YBEY: variants seen among roughly 807,000 people sequenced by gnomAD.
YBEY encodes endoribonuclease YbeY.
Under a neutral mutation model 13.5 loss-of-function variants are expected in YBEY, and 15 were observed. The observed-to-expected ratio is 1.11, with a 90% confidence interval of 0.75 to 1.72. YBEY has a LOEUF of 1.72. YBEY is among the 40% of genes most tolerant of loss of function. The probability of loss-of-function intolerance (pLI) is 0.00; values close to 1 mark genes in which losing one functional copy is unlikely to be tolerated. For synonymous variants in YBEY, 101 were observed against 83.1 expected (o/e 1.21, Z -1.17); for missense variants, 244 against 208.4 (o/e 1.17, Z -1.05).
At chr21:46,301,109 A>T, downstream of YBEY, 1 of 1,005,954 alleles carries the variant, frequency 9.9e-7, no homozygotes, top group Non-Finnish European at 1.2e-6. Flanking sequence ...TTAACTCAAA[A>T]GGGATCACGT....
At chr21:46,296,083 C>T in intron 3 of YBEY, 79 bp from the exon 4 acceptor site, 1 of 1,512,360 alleles carries the variant, frequency 6.6e-7, no homozygotes, top group Non-Finnish European at 9.2e-7. Flanking sequence ...CCAAGAGCAG[C>T]CTGTGGCCCT....
At chr21:46,287,235 A>T in intron 2 of YBEY, 112 bp downstream of exon 2, 1 of 1,108,868 alleles carries the variant, frequency 9.0e-7, no homozygotes. Flanking sequence ...TTGCTCTGTC[A>T]CCCAGGCTGG....
At chr21:46,309,303 AC>A in the YBEY span, among the ~76,000 whole-genome samples, 1 of 151,802 alleles carries the variant, frequency 6.6e-6, no homozygotes, top group African/African-American at 2.4e-5. Flanking sequence ...TCTACTAAAA[AC>A]CACAAAAATT....
chr21:46,295,478 T>G (rs2081920410), intron 3 of YBEY, among the ~76,000 whole-genome samples: 1 of 151,760 alleles, frequency 6.6e-6, no homozygotes, highest in Non-Finnish European at 1.5e-5. Flanking sequence ...CCACAGGCCC[T>G]CCCTCCTCTT....
the YBEY span, among the ~76,000 whole-genome samples, chr21:46,307,082 C>T: frequency 6.6e-6 from 1 of 150,482 alleles, no homozygotes; most frequent in Non-Finnish European, 1.5e-5. Flanking sequence ...TTTTAGTAGA[C>T]ACGGGATTTC....
rs145146592 is a variant in YBEY, at chr21:46,290,538, G to A, written c.211-796G>A. 1.8e-3 allele frequency among the ~76,000 whole-genome samples: 277 copies of A among 152,084 alleles called. 3 individuals carry two copies. The highest frequency in any genetic ancestry group is 7.7e-3 in the South Asian group (37 of 4,812). On this transcript the variant is annotated intron_variant, in intron 2 of 4. Coordinates refer to ENST00000397701, the MANE Select transcript of YBEY (RefSeq NM_001314025.2). ...ATTTTCACAATGGAAACAATTTAGG[G>A]CACTTGTGTACGGTTGGCTGGGCAA...
chr21:46,296,141 G>T (rs376873198), intron 3 of YBEY, 21 bp from the exon 4 acceptor site: 4 of 1,613,444 alleles, frequency 2.5e-6, no homozygotes, highest in Non-Finnish European at 3.4e-6. Context: ...CCTCTGAGCC[G>T]GTTTAAAATT....
chr21:46,286,885 T>C lies in YBEY; in HGVS notation c.-29T>C. 1 of 1,612,338 alleles carries C rather than the reference T, an allele frequency of 6.2e-7. No homozygotes were observed. Among genetic ancestry groups the C allele is most frequent in the Non-Finnish European group, 8.5e-7 (1 of 1,178,836 alleles). On this transcript the variant is annotated 5_prime_UTR_variant, in exon 2 of 5. Coordinates refer to ENST00000397701, the MANE Select transcript of YBEY (RefSeq NM_001314025.2). ...TTAACCCCAGGTTCCGTTGCAAACA[T>C]TTTTAAAGGGCTGGTTATTCTTCCT...
the YBEY span, among the ~76,000 whole-genome samples, chr21:46,310,048 A>G: frequency 6.6e-6 from 1 of 152,162 alleles, no homozygotes; most frequent in African/African-American, 2.4e-5. Context: ...ACTACTACAT[A>G]GTGACGGAAA....
At chr21:46,292,659 C>T (rs2081773828) in intron 3 of YBEY, among the ~76,000 whole-genome samples, 1 of 73,258 alleles carries the variant, frequency 1.4e-5, no homozygotes, top group South Asian at 6.6e-4. Context: ...AAATTCCTCC[C>T]GCGGTTAGCC....
downstream of YBEY, among the ~76,000 whole-genome samples, chr21:46,298,433 G>GTTTTTTTTTTTTT (rs1569107101): frequency 1.5e-5 from 1 of 67,236 alleles, no homozygotes; most frequent in African/African-American, 4.7e-5. Context: ...TTTAATCCAA[G>GTTTTTTTTTTTTT]CTTTTTTTTT....
downstream of YBEY, chr21:46,302,552 T>TGCA (rs753899952): frequency 1.4e-4 from 226 of 1,612,404 alleles, 2 homozygotes; most frequent in Middle Eastern, 1.5e-3. Flanking sequence ...CTGTGCGTTC[T>TGCA]GCAGCAGCAG....
At chr21:46,298,793 C>T (rs1213550406), downstream of YBEY, among the ~76,000 whole-genome samples, 2 of 151,706 alleles carry the variant, frequency 1.3e-5, no homozygotes, top group Non-Finnish European at 2.9e-5. Context: ...GGTGCAGTCT[C>T]GGCTCACTGT....
At chr21:46,291,562 C>T in intron 3 of YBEY, 100 bp downstream of exon 3, 1 of 1,547,542 alleles carries the variant, frequency 6.5e-7, no homozygotes, top group Non-Finnish European at 8.7e-7. Context: ...TCCGTGGGTA[C>T]CGTAAGGGCT....
chr21:46,299,453 G>A (rs1232581799), downstream of YBEY, among the ~76,000 whole-genome samples: 3 of 152,110 alleles, frequency 2.0e-5, no homozygotes, highest in African/African-American at 7.2e-5. Context: ...CAGCCATACT[G>A]CCCTGATTCT....
At chr21:46,302,435 A>C (rs954346572), downstream of YBEY, 31 of 1,420,614 alleles carry the variant, frequency 2.2e-5, no homozygotes, top group Non-Finnish European at 2.9e-5. Context: ...AAGAAAAACC[A>C]CCCAGGCCCT....
chr21:46,311,490 G>T, the YBEY span: 5 of 1,610,730 alleles, frequency 3.1e-6, no homozygotes, highest in African/African-American at 1.3e-5. Context: ...GAGTAGGGAA[G>T]GCCTGGGGAG....
chr21:46,297,741 T>C lies in YBEY; in HGVS notation c.*107T>C, dbSNP rs2082000809. The C allele has an allele frequency of 8.0e-7, 1 of 1,248,638 alleles. No homozygotes were observed. Among genetic ancestry groups the C allele is most frequent in the Non-Finnish European group, 1.0e-6 (1 of 990,128 alleles). The allele number at this position is 1,248,638 out of a possible 1,614,324, so 77.3% of individuals were successfully genotyped here. A position where few individuals can be genotyped will look rare whatever the true frequency, so the allele number is the denominator to read the frequency against. ...TGAACGTACGAGGGGAACCTCCTCTTATTTCCTTCACGTTGCATCGGGTAT... is the reference window on the plus strand; with the variant it reads ...TGAACGTACGAGGGGAACCTCCTCTCATTTCCTTCACGTTGCATCGGGTAT... On this transcript the variant is annotated 3_prime_UTR_variant, in exon 5 of 5. Transcript: ENST00000397701.
In YBEY at chr21:46,292,450, G is replaced by A. The variant is rs146863497; in HGVS notation, c.339+988G>A. 7.2e-5 allele frequency among the ~76,000 whole-genome samples: 11 copies of A among 152,318 alleles called. No homozygotes were observed. In the East Asian group the frequency reaches 1.7e-3, roughly 24 times the overall value. ...TCGGTCTTGAGCAAGGAGGGGATTC[G>A]TTTTAGGGAGGGATGATTACTATTC... is the stretch of plus-strand genomic sequence containing the variant. On this transcript the variant is annotated intron_variant, in intron 3 of 4. Coordinates refer to ENST00000397701, the MANE Select transcript of YBEY (RefSeq NM_001314025.2).
Sources: gnomAD v4.1 joint callset for allele counts (sites outside exome capture counted in the v4.1 genomes callset) on GRCh38, gnomAD v4.1.1 for gene constraint, MANE v1.5 for transcripts, NCBI Gene and HGNC (gene_info 2026-07-23, HGNC 2026-07-21) for gene names.